Variants in LRP6 observed in about 807,000 individuals in gnomAD.
The protein encoded by LRP6 is LDL receptor related protein 6.
Under a neutral mutation model 184.1 loss-of-function variants are expected in LRP6, and 43 were observed. The ratio of observed to expected loss-of-function variants is 0.23; its 90% CI spans 0.18 to 0.30. LRP6 has a LOEUF of 0.30. LRP6 is among the 10% of genes least tolerant of loss of function. The probability of loss-of-function intolerance (pLI) is 1.00; values close to 1 mark genes in which losing one functional copy is unlikely to be tolerated. For synonymous variants in LRP6, 719 were observed against 684.9 expected, an observed-to-expected ratio of 1.05 and a Z score of -0.78; for missense variants, 1,571 against 2,005.3, an observed-to-expected ratio of 0.78 and a Z score of 4.14.
Position 12,244,634 on chromosome 12 carries a change from G to A in LRP6, c.77C>T (p.Ala26Val), listed in dbSNP as rs780184524. Residue 26 changes from alanine (A) to valine (V), a missense_variant, in exon 2 of 23, where the codon GCA (alanine) becomes GTA (valine). Transcript: ENST00000261349. ...AACCAATCGCAAGTCCCGTCTGTTT[G>A]CATAAAGCAACAAAGGGGCCGCTAG... ...LLRAAPLLLY[A>V]NRRDLRLVDA... The A allele has an allele frequency of 6.2e-7, 1 of 1,613,984 alleles. No homozygotes were observed. The highest frequency in any genetic ancestry group is 1.1e-5 in the South Asian group (1 of 91,026).
chr12:12,221,817 C>T (rs1433826284), intron 2 of LRP6, among the ~76,000 whole-genome samples: 1 of 152,170 alleles, frequency 6.6e-6, no homozygotes, highest in Non-Finnish European at 1.5e-5. Flanking sequence ...TTGGTACTCG[C>T]CTGTGTGGAG....
At chr12:12,209,998 T>A (rs368502915) in intron 2 of LRP6, among the ~76,000 whole-genome samples, 4 of 152,286 alleles carry the variant, frequency 2.6e-5, no homozygotes, top group East Asian at 3.9e-4. Flanking sequence ...GGAAATAGTG[T>A]TCCAGGAAGA....
At chr12:12,152,350 G>A (rs570659196) in intron 12 of LRP6, among the ~76,000 whole-genome samples, 4 of 152,116 alleles carry the variant, frequency 2.6e-5, no homozygotes, top group South Asian at 2.1e-4. Flanking sequence ...GCAGTGGTGC[G>A]ATCTCGGCTC....
intron 1 of LRP6, among the ~76,000 whole-genome samples, chr12:12,262,622 C>T (rs1343372150): frequency 6.6e-6 from 1 of 151,240 alleles, no homozygotes; most frequent in Non-Finnish European, 1.5e-5. Flanking sequence ...GATGGTATTC[C>T]AAAACCTATA....
intron 19 of LRP6, 135 bp from the exon 20 acceptor site, chr12:12,127,056 TTA>T (rs1169959408): frequency 1.3e-6 from 1 of 757,632 alleles, no homozygotes; most frequent in African/African-American, 1.7e-5. Context: ...CTTTTCTTTT[TTA>T]TGAGTACATA....
intron 2 of LRP6, among the ~76,000 whole-genome samples, chr12:12,205,914 A>C (rs1293552906): frequency 1.3e-5 from 2 of 152,232 alleles, no homozygotes; most frequent in African/African-American, 4.8e-5. Flanking sequence ...GCTGTGTAAC[A>C]ATGTGGTCAA....
rs111409182 is a variant in LRP6 at position 12,162,455 on chromosome 12, T to G, written c.2053-36A>C. ...ACATTAACAACTAAGTCATATGGCA[T>G]AAGTCTAAACCCTATCCAGAAAGAA... is the stretch of plus-strand genomic sequence containing the variant. On this transcript the variant is annotated intron_variant, in intron 9 of 22. Transcript: ENST00000261349. The G allele has an allele frequency of 7.1e-5, 109 of 1,543,662 alleles. 1 individual carries two copies. In the African/African-American group the frequency reaches 1.1e-3, roughly 16 times the overall value.
At chr12:12,137,679 T>C (rs1949862417) in intron 16 of LRP6, among the ~76,000 whole-genome samples, 1 of 152,012 alleles carries the variant, frequency 6.6e-6, no homozygotes, top group Admixed American at 6.6e-5. Flanking sequence ...AGAAAAGAAA[T>C]AGATGCTTTA....
intron 12 of LRP6, among the ~76,000 whole-genome samples, chr12:12,156,294 T>C (rs1192741381): frequency 6.6e-6 from 1 of 151,852 alleles, no homozygotes; most frequent in African/African-American, 2.4e-5. Context: ...CCAAGCAGAG[T>C]AAACAAGCAG....
At chr12:12,159,733 T>A in intron 11 of LRP6, 47 bp downstream of exon 11, 1 of 1,570,208 alleles carries the variant, frequency 6.4e-7, no homozygotes, top group South Asian at 1.1e-5. Flanking sequence ...CCACTGATAT[T>A]TGCATGGAAA....
intron 7 of LRP6, among the ~76,000 whole-genome samples, chr12:12,170,447 A>T (rs1863003102): frequency 6.7e-6 from 1 of 149,168 alleles, no homozygotes. Flanking sequence ...AATGACATTT[A>T]TGGTTTTTTT....
At chr12:12,262,816 T>G (rs571397963) in intron 1 of LRP6, among the ~76,000 whole-genome samples, 9 of 152,268 alleles carry the variant, frequency 5.9e-5, no homozygotes, top group African/African-American at 2.2e-4. Flanking sequence ...CATACATATT[T>G]GCTAAAAGAA....
intron 17 of LRP6, among the ~76,000 whole-genome samples, chr12:12,134,750 G>A (rs987788700): frequency 6.6e-6 from 1 of 152,124 alleles, no homozygotes; most frequent in African/African-American, 2.4e-5. Context: ...TTGGGAGAGG[G>A]GGGAGGCTAC....
chr12:12,198,557 CAG>C (rs1317645060), intron 3 of LRP6, among the ~76,000 whole-genome samples: 1 of 89,652 alleles, frequency 1.1e-5, no homozygotes, highest in African/African-American at 4.3e-5. Flanking sequence ...TTTTTTGAGA[CAG>C]AGTTTTGCTC....
intron 16 of LRP6, among the ~76,000 whole-genome samples, chr12:12,137,544 C>T (rs1293296326): frequency 6.6e-6 from 1 of 152,094 alleles, no homozygotes; most frequent in Non-Finnish European, 1.5e-5. Flanking sequence ...ACAGAGTCTT[C>T]TCTATGTTTA....
At chr12:12,173,244 T>C (rs993634437) in intron 7 of LRP6, among the ~76,000 whole-genome samples, 1 of 152,312 alleles carries the variant, frequency 6.6e-6, no homozygotes, top group East Asian at 1.9e-4. Flanking sequence ...AAAGCCTCAC[T>C]GTCCTGAGGC....
intron 1 of LRP6, among the ~76,000 whole-genome samples, chr12:12,261,093 A>G (rs755884705): frequency 6.6e-6 from 1 of 152,172 alleles, no homozygotes; most frequent in Non-Finnish European, 1.5e-5. Flanking sequence ...AAATGGAAAA[A>G]CTTCCAATTA....
intron 2 of LRP6, among the ~76,000 whole-genome samples, chr12:12,214,832 T>C (rs150844449): frequency 7.6e-4 from 116 of 152,360 alleles, no homozygotes; most frequent in African/African-American, 2.7e-3. Flanking sequence ...TTGTTTTACC[T>C]GAGTTCCTTC....
chr12:12,135,443 TTTATTA>T (rs904906201), intron 16 of LRP6, 143 bp from the exon 17 acceptor site: 6 of 454,756 alleles, frequency 1.3e-5, no homozygotes, highest in African/African-American at 5.9e-5. Flanking sequence ...TTTTTTTACT[TTTATTA>T]TTATTATTAT....
Sources: gnomAD v4.1 joint callset for allele counts (sites outside exome capture counted in the v4.1 genomes callset) on GRCh38, gnomAD v4.1.1 for gene constraint, MANE v1.5 for transcripts, NCBI Gene and HGNC (gene_info 2026-07-23, HGNC 2026-07-21) for gene names.